CNTLN: variants seen among roughly 807,000 people sequenced by gnomAD.
CNTLN encodes centlein, centrosomal protein.
A neutral mutation model predicts 180.0 loss-of-function variants in CNTLN; 212 were observed. The observed-to-expected ratio is 1.18, with a 90% CI of 1.05 to 1.32. The LOEUF is 1.32. Ranked by LOEUF, CNTLN falls within the 40% of genes most tolerant of loss-of-function variation. CNTLN has a pLI of 0.00. For missense variants in CNTLN, 2,095 were observed against 1,610.9 expected (o/e 1.30, Z -5.14); for synonymous variants, 722 against 563.1 (o/e 1.28, Z -3.99).
chr9:17,197,125 G>T (rs1822185158), intron 2 of CNTLN, among the ~76,000 whole-genome samples: 1 of 152,028 alleles, frequency 6.6e-6, no homozygotes, highest in African/African-American at 2.4e-5. Context: ...TCCTTCATCT[G>T]TTAAATAAAA....
chr9:17,495,334 T>C (rs1452388435), intron 25 of CNTLN, among the ~76,000 whole-genome samples: 1 of 152,084 alleles, frequency 6.6e-6, no homozygotes, highest in African/African-American at 2.4e-5. Flanking sequence ...GTTTGTGTTA[T>C]TGTCCCTGAA....
intron 2 of CNTLN, among the ~76,000 whole-genome samples, chr9:17,144,599 C>T (rs1231257807): frequency 6.6e-6 from 1 of 151,708 alleles, no homozygotes; most frequent in African/African-American, 2.4e-5. Context: ...TCATTTTCCT[C>T]ATTCTTTACA....
intron 14 of CNTLN, among the ~76,000 whole-genome samples, chr9:17,393,985 AT>A (rs1826301915): frequency 6.6e-6 from 1 of 152,028 alleles, no homozygotes; most frequent in Admixed American, 6.5e-5. Context: ...AATCATTATA[AT>A]TTAAAATTGT....
chr9:17,440,408 C>T (rs1327452591), intron 18 of CNTLN, among the ~76,000 whole-genome samples: 2 of 133,372 alleles, frequency 1.5e-5, no homozygotes, highest in African/African-American at 5.9e-5. Context: ...CCCTTCTCTA[C>T]TAAAATAAAA....
At chr9:17,490,922 T>A (rs200381356) in intron 25 of CNTLN, among the ~76,000 whole-genome samples, 2 of 152,128 alleles carry the variant, frequency 1.3e-5, no homozygotes, top group Non-Finnish European at 2.9e-5. Flanking sequence ...GAGTAAATGA[T>A]ATAAATATTT....
the CNTLN span, among the ~76,000 whole-genome samples, chr9:17,517,935 T>C: frequency 6.6e-6 from 1 of 151,948 alleles, no homozygotes. Context: ...TTCTCAACTT[T>C]ATTTCCTTTA....
chr9:17,151,178 A>G (rs892070943), intron 2 of CNTLN, among the ~76,000 whole-genome samples: 2 of 152,130 alleles, frequency 1.3e-5, no homozygotes, highest in Admixed American at 6.5e-5. Flanking sequence ...AACTTCCAAT[A>G]TTATGTTGAA....
chr9:17,297,404 T>G (rs1308678404), intron 6 of CNTLN, among the ~76,000 whole-genome samples: 1 of 152,214 alleles, frequency 6.6e-6, no homozygotes, highest in Non-Finnish European at 1.5e-5. Flanking sequence ...GTAATAGTGC[T>G]TTATAAATAT....
intron 7 of CNTLN, chr9:17,298,907 C>G (rs547583850): frequency 1.0e-6 from 1 of 985,184 alleles, no homozygotes; most frequent in African/African-American, 1.7e-5. Flanking sequence ...TTTAGGTGTG[C>G]TAACTGACTC....
intron 18 of CNTLN, among the ~76,000 whole-genome samples, chr9:17,436,546 T>C (rs940061163): frequency 3.3e-5 from 5 of 152,210 alleles, no homozygotes; most frequent in Admixed American, 2.6e-4. Flanking sequence ...CATATAAACA[T>C]TGAGCATGAA....
chr9:17,369,736 C>T (rs1490844290), intron 13 of CNTLN, among the ~76,000 whole-genome samples: 2 of 151,558 alleles, frequency 1.3e-5, no homozygotes, highest in African/African-American at 2.4e-5. Context: ...CCTGTAATCC[C>T]AGCACTTTAG....
intron 2 of CNTLN, among the ~76,000 whole-genome samples, chr9:17,178,747 G>C (rs997429064): frequency 1.1e-4 from 17 of 151,988 alleles, no homozygotes; most frequent in Non-Finnish European, 2.4e-4. Context: ...GGCAGCCCCA[G>C]TTCCTGCCAG....
chr9:17,200,720 A>G (rs1822463106), intron 2 of CNTLN, among the ~76,000 whole-genome samples: 1 of 152,152 alleles, frequency 6.6e-6, no homozygotes, highest in African/African-American at 2.4e-5. Flanking sequence ...GCTTACCAGC[A>G]TAAGGAGTTT....
intron 6 of CNTLN, 74 bp downstream of exon 6, chr9:17,273,940 A>T: frequency 9.3e-7 from 1 of 1,075,022 alleles, no homozygotes; most frequent in Non-Finnish European, 1.3e-6. Context: ...ATTTATACTT[A>T]TTACTAACAC....
At chr9:17,338,637 CTTAAA>C (rs1188830337) in intron 10 of CNTLN, among the ~76,000 whole-genome samples, 16 of 152,054 alleles carry the variant, frequency 1.1e-4, no homozygotes, top group Admixed American at 8.5e-4. Flanking sequence ...GTTTTGCTAA[CTTAAA>C]TTATTTATTT....
chr9:17,502,076 G>A (rs2248131), intron 25 of CNTLN, among the ~76,000 whole-genome samples: 1 of 152,188 alleles, frequency 6.6e-6, no homozygotes, highest in African/African-American at 2.4e-5. Context: ...ATACTTTTGC[G>A]ATTTTTTCCT....
chr9:17,366,341 T>C (rs1823817261), intron 12 of CNTLN, among the ~76,000 whole-genome samples: 1 of 152,122 alleles, frequency 6.6e-6, no homozygotes, highest in African/African-American at 2.4e-5. Context: ...ACAGGGTCTC[T>C]CTGTGTTGCC....
chr9:17,482,016 A>G (rs577323026), intron 23 of CNTLN, among the ~76,000 whole-genome samples: 1 of 152,346 alleles, frequency 6.6e-6, no homozygotes, highest in African/African-American at 2.4e-5. Context: ...TACAGACACC[A>G]GTGCAAAGAT....
intron 2 of CNTLN, among the ~76,000 whole-genome samples, chr9:17,198,922 T>C (rs189409207): frequency 2.0e-5 from 3 of 152,296 alleles, no homozygotes; most frequent in Admixed American, 2.0e-4. Context: ...CTATATCCAG[T>C]GTATCATTGA....
Sources: gnomAD v4.1 joint callset for allele counts (sites outside exome capture counted in the v4.1 genomes callset) on GRCh38, gnomAD v4.1.1 for gene constraint, MANE v1.5 for transcripts, NCBI Gene and HGNC (gene_info 2026-07-23, HGNC 2026-07-21) for gene names.